The following TGFBR3 variants were observed in gnomAD, a reference collection of about 807,000 sequenced individuals.
TGFBR3 encodes the protein transforming growth factor beta receptor 3, also known as transforming growth factor beta receptor type 3.
A neutral mutation model predicts 87.9 loss-of-function variants in TGFBR3; 46 were observed. That is an observed-to-expected ratio of 0.52 (90% CI 0.41 to 0.67). TGFBR3 has a LOEUF of 0.67. Ranked by LOEUF, TGFBR3 falls within the 30% of genes least tolerant of loss-of-function variation. The pLI, the probability that TGFBR3 is intolerant of heterozygous loss-of-function variation, is 0.00. For synonymous variants in TGFBR3, 381 were observed against 391.6 expected, an observed-to-expected ratio of 0.97 and a Z score of 0.32; for missense variants, 866 against 1,041.9, an observed-to-expected ratio of 0.83 and a Z score of 2.32.
intron 16 of TGFBR3, among the ~76,000 whole-genome samples, chr1:91,686,782 A>T (rs1671102871): frequency 6.6e-6 from 1 of 152,156 alleles, no homozygotes; most frequent in African/African-American, 2.4e-5. Context: ...TGGAGCACCA[A>T]CTTTCTCTAA....
At chr1:91,721,216 G>A (rs972157935) in intron 8 of TGFBR3, among the ~76,000 whole-genome samples, 1 of 151,970 alleles carries the variant, frequency 6.6e-6, no homozygotes, top group Admixed American at 6.6e-5. Flanking sequence ...AGCTTTGTAG[G>A]GTTTTTAATT....
At chr1:91,747,089 C>T (rs1393903763) in intron 4 of TGFBR3, among the ~76,000 whole-genome samples, 2 of 152,196 alleles carry the variant, frequency 1.3e-5, no homozygotes, top group Non-Finnish European at 2.9e-5. Flanking sequence ...GGGCTCTGAG[C>T]AATTAGATAA....
chr1:91,878,281 GA>G (rs11288871), intron 1 of TGFBR3, among the ~76,000 whole-genome samples: 50,335 of 123,522 alleles, frequency 0.41, 8,488 homozygotes, highest in Non-Finnish European at 0.44. Flanking sequence ...AGAATGAAAA[GA>G]AAAAAAAAAA....
intron 4 of TGFBR3, among the ~76,000 whole-genome samples, chr1:91,743,204 G>C: frequency 6.6e-6 from 1 of 152,132 alleles, no homozygotes; most frequent in Non-Finnish European, 1.5e-5. Context: ...CACCTGGCAG[G>C]TTGCATTGTA....
At chr1:91,851,673 T>A (rs1257359952) in intron 2 of TGFBR3, among the ~76,000 whole-genome samples, 1 of 152,242 alleles carries the variant, frequency 6.6e-6, no homozygotes, top group African/African-American at 2.4e-5. Context: ...TAAAGAGCTG[T>A]GTAGGCACAT....
chr1:91,728,168 T>A (rs1244933997), intron 6 of TGFBR3, among the ~76,000 whole-genome samples: 2 of 152,170 alleles, frequency 1.3e-5, no homozygotes, highest in Non-Finnish European at 2.9e-5. Flanking sequence ...ATGTACAGGA[T>A]TCCCATTTGG....
chr1:91,703,757 T>C (rs1443902011), intron 14 of TGFBR3, among the ~76,000 whole-genome samples: 1 of 152,016 alleles, frequency 6.6e-6, no homozygotes, highest in Non-Finnish European at 1.5e-5. Flanking sequence ...TTTCAGAAAA[T>C]AGGGTAGGAT....
chr1:91,814,534 T>G (rs1245515055), intron 2 of TGFBR3, among the ~76,000 whole-genome samples: 1 of 152,128 alleles, frequency 6.6e-6, no homozygotes, highest in Non-Finnish European at 1.5e-5. Flanking sequence ...TACTCTCCCC[T>G]ATCCAAAACA....
chr1:91,732,095 T>G (rs1187504373), intron 5 of TGFBR3, among the ~76,000 whole-genome samples: 1 of 152,138 alleles, frequency 6.6e-6, no homozygotes, highest in African/African-American at 2.4e-5. Flanking sequence ...ATTTGTATTT[T>G]AGGGAAAGAT....
At chr1:91,794,744 A>T (rs1243276982) in intron 3 of TGFBR3, among the ~76,000 whole-genome samples, 2 of 152,142 alleles carry the variant, frequency 1.3e-5, no homozygotes, top group African/African-American at 4.8e-5. Context: ...CTGCTCAGTA[A>T]CACTCCATTG....
At chr1:91,784,390 T>C (rs911235547) in intron 3 of TGFBR3, among the ~76,000 whole-genome samples, 59 of 152,176 alleles carry the variant, frequency 3.9e-4, no homozygotes, top group Non-Finnish European at 8.4e-4. Flanking sequence ...ATAACCCAAT[T>C]TGCATAATGC....
intron 13 of TGFBR3, among the ~76,000 whole-genome samples, chr1:91,710,343 G>T (rs557129781): frequency 6.6e-6 from 1 of 152,232 alleles, no homozygotes; most frequent in Admixed American, 6.5e-5. Context: ...CTGTGGAGAG[G>T]CATGATGACT....
At chr1:91,799,455 C>A (rs1428961786) in intron 2 of TGFBR3, among the ~76,000 whole-genome samples, 1 of 152,182 alleles carries the variant, frequency 6.6e-6, no homozygotes, top group Non-Finnish European at 1.5e-5. Context: ...CTCATCCTGC[C>A]CTCCTGGCCT....
chr1:91,821,762 T>C (rs1244861895), intron 2 of TGFBR3, among the ~76,000 whole-genome samples: 3 of 152,224 alleles, frequency 2.0e-5, no homozygotes, highest in Non-Finnish European at 2.9e-5. Context: ...GTCTATACCA[T>C]CTGAAACTTT....
intron 2 of TGFBR3, among the ~76,000 whole-genome samples, chr1:91,855,250 G>A (rs561345864): frequency 6.6e-6 from 1 of 152,294 alleles, no homozygotes; most frequent in Admixed American, 6.5e-5. Context: ...ATACATCTGG[G>A]TACTGAATTG....
At chr1:91,869,467 C>G (rs1315829149) in intron 1 of TGFBR3, among the ~76,000 whole-genome samples, 1 of 152,180 alleles carries the variant, frequency 6.6e-6, no homozygotes, top group Non-Finnish European at 1.5e-5. Flanking sequence ...GAGTTCCAGA[C>G]CAACCTGGCC....
At chr1:91,844,459 A>G (rs1446958801) in intron 2 of TGFBR3, among the ~76,000 whole-genome samples, 4 of 152,256 alleles carry the variant, frequency 2.6e-5, no homozygotes, top group Admixed American at 6.5e-5. Context: ...AGCAGTGCTG[A>G]AAGAAATTAA....
At chr1:91,684,520 C>T (rs989843195) in intron 16 of TGFBR3, among the ~76,000 whole-genome samples, 4 of 152,226 alleles carry the variant, frequency 2.6e-5, no homozygotes, top group African/African-American at 4.8e-5. Context: ...CTCTTCCCCA[C>T]TGAGGTTCCC....
chr1:91,830,316 G>A (rs1676811179), intron 2 of TGFBR3, among the ~76,000 whole-genome samples: 1 of 152,162 alleles, frequency 6.6e-6, no homozygotes, highest in Admixed American at 6.5e-5. Flanking sequence ...GTCCCCAAGG[G>A]CAGAATACTT....
Sources: allele counts gnomAD v4.1 joint callset (sites outside exome capture counted in the v4.1 genomes callset), GRCh38; gene constraint gnomAD v4.1.1; transcripts MANE v1.5; gene names NCBI Gene and HGNC (gene_info 2026-07-23, HGNC 2026-07-21).